PCSK9: variants seen among roughly 807,000 people sequenced by gnomAD.
PCSK9 encodes convertase subtilisin/kexin type 9 preproprotein.
In PCSK9, 57 loss-of-function variants were observed where a neutral mutation model predicts 62.1. That is an observed-to-expected ratio of 0.92 (90% CI 0.74 to 1.14). The LOEUF (loss-of-function observed/expected upper bound fraction) is 1.14, where lower values mean the gene tolerates loss of function less well. Among genes scored for constraint, PCSK9 ranks in the 50% most tolerant of loss-of-function variants. PCSK9 has a pLI of 0.00. For synonymous variants in PCSK9, 387 were observed against 409.4 expected (o/e 0.95, Z 0.66); for missense variants, 870 against 959.8 (o/e 0.91, Z 1.24).
Position 55,039,885 on chromosome 1 carries a change from G to T in PCSK9, c.48G>T (p.Leu16=). ...SRRSWWPLPL[L]LLLLLLLGPA... ...GGTCCTGGTGGCCGCTGCCACTGCT[G>T]CTGCTGCTGCTGCTGCTCCTGGGTC... is the stretch of plus-strand genomic sequence containing the variant. The change falls in exon 1 of 12, where the codon CTG becomes CTT. Residue 16 remains leucine (L), a synonymous_variant. Transcript: ENST00000302118. 2 of 1,557,992 alleles carry T rather than the reference G, an allele frequency of 1.3e-6. No individual in the cohort carries two copies. The highest frequency in any genetic ancestry group is 1.7e-6 in the Non-Finnish European group (2 of 1,150,220).
rs1644780619 is a variant in PCSK9, at chr1:55,063,692, G to A, written c.*108G>A. 3 of 1,289,106 alleles carry A rather than the reference G, an allele frequency of 2.3e-6. No individual in the cohort carries two copies. In the South Asian group the frequency reaches 4.4e-5, roughly 19 times the overall value. The allele number at this position is 1,289,106 out of a possible 1,614,324, so 79.9% of individuals were successfully genotyped here. On this transcript the variant is annotated 3_prime_UTR_variant, in exon 12 of 12. Coordinates refer to ENST00000302118, the MANE Select transcript of PCSK9 (RefSeq NM_174936.4). The stretch of plus-strand genomic sequence containing the variant: ...AGCCCTCCATGGCCTGGCACGAGGG[G>A]ATGGGGATGCTTCCGCCTTTCCGGG...
At chr1:55,051,446 G>A (rs1177586881) in intron 3 of PCSK9, 1 of 325,884 alleles carries the variant, frequency 3.1e-6, no homozygotes, top group African/African-American at 2.2e-5. Context: ...ACCTGCGCTG[G>A]AGCGGAGGTG....
rs139894975 is a variant in PCSK9, at chr1:55,063,464, G to A, written c.1959G>A (p.Thr653=). 55 of 1,614,136 alleles carry A rather than the reference G, an allele frequency of 3.4e-5. No homozygotes were observed. In the African/African-American group the frequency reaches 3.7e-4, roughly 11 times the overall value. Residue 653 remains threonine (T), a synonymous_variant, in exon 12 of 12, where the codon ACG becomes ACA. Transcript: ENST00000302118. ...TGGGGGCCTACGCCGTAGACAACAC[G>A]TGTGTAGTCAGGAGCCGGGACGTCA... ...HVLGAYAVDN[T]CVVRSRDVST... is the part of the protein sequence containing the mutation.
chr1:55,046,473 G>A, intron 2 of PCSK9, 50 bp from the exon 3 acceptor site: 1 of 1,614,026 alleles, frequency 6.2e-7, no homozygotes, highest in Middle Eastern at 1.6e-4. Context: ...TGTGTTTGCT[G>A]CTGTCCAAAT....
intron 2 of PCSK9, 36 bp downstream of exon 2, chr1:55,044,070 A>G (rs1270702052): frequency 1.9e-6 from 3 of 1,609,586 alleles, no homozygotes; most frequent in Non-Finnish European, 2.5e-6. Context: ...ACTTCCTGAT[A>G]GGGCTGGGCC....
intron 5 of PCSK9, among the ~76,000 whole-genome samples, chr1:55,054,951 G>A (rs1043125840): frequency 3.9e-5 from 6 of 151,914 alleles, no homozygotes; most frequent in African/African-American, 1.5e-4. Context: ...CTTGCAGTGA[G>A]CCGAGATTGC....
In PCSK9 at chr1:55,061,359, C is replaced by T. The variant is rs1479485537; in HGVS notation, c.1682-16C>T. On this transcript the variant is annotated splice_polypyrimidine_tract_variant and intron_variant, in intron 10 of 11. Transcript: ENST00000302118. ...TCCCAGCATTTCACATCTGAGCTGG[C>T]TTTCCTCTGCCCCAGGCTGCAGCTC... 1.3e-6 allele frequency: 2 copies of T among 1,598,780 alleles called. No homozygotes were observed. Among genetic ancestry groups the T allele is most frequent in the Admixed American group, 1.7e-5 (1 of 58,414 alleles).
At position 55,058,483 on chromosome 1, in the gene PCSK9, C is replaced by A. The variant is rs28385713; in HGVS notation, c.1355-16C>A. ...CACTCCCAGCACCCCCTCCTCATCC[C>A]AGGCCCTTTTTGCAGGTTGGCAGCT... On this transcript the variant is annotated splice_polypyrimidine_tract_variant and intron_variant, in intron 8 of 11. Transcript: ENST00000302118. 1 of 1,612,114 alleles carries A rather than the reference C, an allele frequency of 6.2e-7. No homozygotes were observed. The highest frequency in any genetic ancestry group is 1.7e-5 in the Admixed American group (1 of 59,994).
rs534113572 is a variant in PCSK9 at position 55,056,132 on chromosome 1, C to G, written c.939C>G (p.Thr313=). 12 of 1,563,528 alleles carry G rather than the reference C, an allele frequency of 7.7e-6. No homozygotes were observed. In the Admixed American group the frequency reaches 2.1e-4, roughly 27 times the overall value. Residue 313 remains threonine, a synonymous_variant, in exon 6 of 12, where the codon ACC becomes ACG. Transcript: ENST00000302118. ...RLARAGVVLV[T]AAGNFRDDAC... is the part of the protein sequence containing the mutation. ...CGAGGGCTGGGGTCGTGCTGGTCAC[C>G]GCTGCCGGCAACTTCCGGGACGATG...
Position 55,039,951 on chromosome 1 carries a change from C to A in PCSK9, c.114C>A (p.Tyr38Ter). 1 of 1,575,860 alleles carries A rather than the reference C, an allele frequency of 6.3e-7. No homozygotes were observed. Among genetic ancestry groups the A allele is most frequent in the Non-Finnish European group, 8.6e-7 (1 of 1,161,904 alleles). Reference protein sequence around the residue: ...ARAQEDEDGDYEELVLALRSE... With the variant: ...ARAQEDEDGD ...CGCAGGAGGACGAGGACGGCGACTA[C>A]GAGGAGCTGGTGCTAGCCTTGCGTT... The change falls in exon 1 of 12, where the codon TAC becomes TAA. Residue 38 changes from tyrosine to a stop codon, truncating the protein, a stop_gained. Coordinates refer to ENST00000302118, the MANE Select transcript of PCSK9 (RefSeq NM_174936.4). LOFTEE classifies it high-confidence loss of function.
chr1:55,046,147 C>T lies in PCSK9; in HGVS notation c.400-376C>T, dbSNP rs1272258483. 3.9e-5 allele frequency among the ~76,000 whole-genome samples: 6 copies of T among 152,210 alleles called. No homozygotes were observed. In the South Asian group the frequency reaches 1.2e-3, roughly 31 times the overall value. Reference sequence around the variant, plus strand: ...GCTGGAGAATAGACTAGGGGACAAACCGAATTGCCAGTGCTGTTATGTCAT... The same window carrying T: ...GCTGGAGAATAGACTAGGGGACAAATCGAATTGCCAGTGCTGTTATGTCAT... On this transcript the variant is annotated intron_variant, in intron 2 of 11. Coordinates refer to ENST00000302118, the MANE Select transcript of PCSK9 (RefSeq NM_174936.4).
At position 55,062,933 on chromosome 1, in the gene PCSK9, G is replaced by A. The variant is rs10465831; in HGVS notation, c.1864-436G>A. ...GAGGCGGTGGAGGGTCCAGGCGTTGGGGCGGGGCTCAGGCTGGAGTCTGAA... is the reference window on the plus strand; with the variant it reads ...GAGGCGGTGGAGGGTCCAGGCGTTGAGGCGGGGCTCAGGCTGGAGTCTGAA... On this transcript the variant is annotated intron_variant, in intron 11 of 11. Coordinates refer to ENST00000302118, the MANE Select transcript of PCSK9 (RefSeq NM_174936.4). Among the ~76,000 whole-genome samples, 1,114 of 152,258 alleles carry A rather than the reference G, an allele frequency of 7.3e-3. 17 individuals are homozygous for A. Among genetic ancestry groups the A allele is most frequent in the African/African-American group, 0.026 (1,068 of 41,542 alleles).
intron 10 of PCSK9, 46 bp from the exon 11 acceptor site, chr1:55,061,329 G>A (rs1282099676): frequency 2.6e-6 from 4 of 1,566,098 alleles, no homozygotes; most frequent in East Asian, 4.6e-5. Context: ...ACTGGAGACG[G>A]AGCATCCCAG....
intron 3 of PCSK9, among the ~76,000 whole-genome samples, chr1:55,050,331 C>A (rs11206514): frequency 0.53 from 81,175 of 152,118 alleles, 24,030 homozygotes; most frequent in East Asian, 0.82. Context: ...CATAGCCCAG[C>A]TCAATATCTA....
In PCSK9 at chr1:55,039,650, G is replaced by C; in HGVS notation, c.-188G>C. 1 of 688,380 alleles carries C rather than the reference G, an allele frequency of 1.5e-6. No homozygotes were observed. The highest frequency in any genetic ancestry group is 2.4e-6 in the Non-Finnish European group (1 of 411,842). The allele number at this position is 688,380 out of a possible 1,614,324, so 42.6% of individuals were successfully genotyped here. ...GCAGTGAGACTGGCTCGGGCGGGCC[G>C]GGACGCGTCGTTGCAGCAGCGGCTC... On this transcript the variant is annotated 5_prime_UTR_variant, in exon 1 of 12. Coordinates refer to ENST00000302118, the MANE Select transcript of PCSK9 (RefSeq NM_174936.4).
intron 3 of PCSK9, among the ~76,000 whole-genome samples, chr1:55,049,266 C>A (rs1469390880): frequency 6.6e-6 from 1 of 152,186 alleles, no homozygotes; most frequent in African/African-American, 2.4e-5. Context: ...GGGAGTGTGG[C>A]CTGTGCAGAA....
Position 55,053,916 on chromosome 1 carries a change from C to T in PCSK9, c.799+1125C>T, listed in dbSNP as rs1173789585. On this transcript the variant is annotated intron_variant, in intron 5 of 11. Coordinates refer to ENST00000302118, the MANE Select transcript of PCSK9 (RefSeq NM_174936.4). ...CTCTGGAGGACTTCCTGGAGAAGTC[C>T]CTTCTTTGGGGTCCCAGTCAGTGTA... Among the ~76,000 whole-genome samples the T allele has an allele frequency of 6.6e-5, 10 of 152,270 alleles. No homozygotes were observed. The South Asian group carries it at 1.9e-3, about 28-fold the overall frequency.
intron 1 of PCSK9, among the ~76,000 whole-genome samples, chr1:55,042,278 C>T (rs1644602832): frequency 6.6e-6 from 1 of 152,130 alleles, no homozygotes; most frequent in African/African-American, 2.4e-5. Context: ...AGTTCTTTAT[C>T]CACCGTCTGA....
chr1:55,052,465 A>T, intron 4 of PCSK9, 54 bp downstream of exon 4: 2 of 1,612,644 alleles, frequency 1.2e-6, no homozygotes, highest in Non-Finnish European at 1.7e-6. Context: ...CCCATCCTGG[A>T]GGTGGGTGGG....
Sources: allele counts gnomAD v4.1 joint callset (sites outside exome capture counted in the v4.1 genomes callset), GRCh38; gene constraint gnomAD v4.1.1; transcripts MANE v1.5; gene names NCBI Gene and HGNC (gene_info 2026-07-23, HGNC 2026-07-21).